The following LMF1 variants were observed in gnomAD, a reference collection of about 807,000 sequenced individuals.
LMF1 encodes the protein transmembrane protein 112.
A neutral mutation model predicts 60.6 loss-of-function variants in LMF1; 68 were observed. The observed-to-expected ratio is 1.12, with a 90% CI of 0.92 to 1.37. The LOEUF (loss-of-function observed/expected upper bound fraction) is 1.37, where lower values mean the gene tolerates loss of function less well. Ranked by LOEUF, LMF1 falls within the 40% of genes most tolerant of loss-of-function variation. The pLI is 0.00. For missense variants in LMF1, 948 were observed against 767.2 expected, an observed-to-expected ratio of 1.24 and a Z score of -2.78; for synonymous variants, 418 against 324.7, an observed-to-expected ratio of 1.29 and a Z score of -3.09.
upstream of LMF1, among the ~76,000 whole-genome samples, chr16:973,647 G>A (rs1490634795): frequency 1.3e-5 from 2 of 152,308 alleles, no homozygotes; most frequent in African/African-American, 2.4e-5. Context: ...GCTAAACACC[G>A]AGTCGTTCAC....
rs543546205 is a variant in LMF1, at chr16:955,092, C to T, written c.194-426G>A. Among the ~76,000 whole-genome samples the T allele has an allele frequency of 5.8e-3, 408 of 70,032 alleles. 41 individuals carry two copies. The highest frequency in any genetic ancestry group is 0.013 in the African/African-American group (140 of 10,866). The allele number at this position is 70,032 out of a possible 152,430, so 45.9% of individuals were successfully genotyped here. ...ACATAAAATGCGTGCCCGCAGCAGA[C>T]GCGGTGTGTGCACACACACACACAC... On this transcript the variant is annotated intron_variant, in intron 1 of 10. Coordinates refer to ENST00000262301, the MANE Select transcript of LMF1 (RefSeq NM_022773.4).
Position 970,804 on chromosome 16 carries a change from G to T in LMF1, c.177C>A (p.Ala59=), listed in dbSNP as rs1197165748. 2 of 1,540,298 alleles carry T rather than the reference G, an allele frequency of 1.3e-6. No homozygotes were observed. Among genetic ancestry groups the T allele is most frequent in the South Asian group, 2.4e-5 (2 of 82,524 alleles). Residue 59 remains alanine (A), a synonymous_variant, in exon 1 of 11, where the codon GCC becomes GCA. Transcript: ENST00000262301. Reference sequence around the variant, plus strand: ...GGCACTCACAGTACACGAAGGCTAGGGCCTTCAGGAGCACGATCCGGGTCA... The same window carrying T: ...GGCACTCACAGTACACGAAGGCTAGTGCCTTCAGGAGCACGATCCGGGTCA... ...FWLTRIVLLK[A]LAFVYFVAFL... is the part of the protein sequence containing the mutation.
At chr16:940,682 C>T (rs530590951) in intron 2 of LMF1, among the ~76,000 whole-genome samples, 16 of 152,302 alleles carry the variant, frequency 1.1e-4, no homozygotes, top group East Asian at 3.9e-4. Flanking sequence ...GAGTGGGAGA[C>T]GCAGTCTCAG....
chr16:853,914 A>T lies in LMF1; in HGVS notation c.*618T>A, dbSNP rs558035127. 2.2e-6 allele frequency: 1 copy of T among 454,088 alleles called. No individual in the cohort carries two copies. The highest frequency in any genetic ancestry group is 4.4e-6 in the Non-Finnish European group (1 of 226,804). The allele number at this position is 454,088 out of a possible 1,614,324, so 28.1% of individuals were successfully genotyped here. A position where few individuals can be genotyped will look rare whatever the true frequency, so the allele number is the denominator to read the frequency against. On this transcript the variant is annotated 3_prime_UTR_variant, in exon 11 of 11. Coordinates refer to ENST00000262301, the MANE Select transcript of LMF1 (RefSeq NM_022773.4). The stretch of plus-strand genomic sequence containing the variant: ...AACCGGGCCAAGAACACATGTGTGC[A>T]CAGGCTGTGTGTGCCTGCATGTGTG...
intron 3 of LMF1, among the ~76,000 whole-genome samples, chr16:928,769 C>T (rs986917332): frequency 6.6e-6 from 1 of 152,064 alleles, no homozygotes; most frequent in African/African-American, 2.4e-5. Context: ...GGGCCCATCC[C>T]TACACCCCCA....
chr16:901,567 G>A (rs4984961), intron 4 of LMF1: 64,122 of 152,204 alleles, frequency 0.42, 15,326 homozygotes, highest in African/African-American at 0.65. Flanking sequence ...CATTGATCAC[G>A]TCCTGAGTGA....
chr16:915,585 T>G (rs1390059047), intron 3 of LMF1, among the ~76,000 whole-genome samples: 1 of 151,926 alleles, frequency 6.6e-6, no homozygotes, highest in African/African-American at 2.4e-5. Flanking sequence ...TGGGCTGGGC[T>G]GGGCAGCCGG....
chr16:882,255 C>CA, intron 5 of LMF1, among the ~76,000 whole-genome samples: 1 of 152,280 alleles, frequency 6.6e-6, no homozygotes, highest in Non-Finnish European at 1.5e-5. Flanking sequence ...AGAAGAGCAT[C>CA]AGGCTCAGCT....
chr16:892,992 G>C lies in LMF1; in HGVS notation c.729+15C>G. 1.9e-6 allele frequency: 3 copies of C among 1,542,858 alleles called. No homozygotes were observed. Among genetic ancestry groups the C allele is most frequent in the Non-Finnish European group, 2.6e-6 (3 of 1,140,884 alleles). On this transcript the variant is annotated intron_variant, in intron 5 of 10. Coordinates refer to ENST00000262301, the MANE Select transcript of LMF1 (RefSeq NM_022773.4). ...AGACCGGGTGCCCTGCCCTCACGCTGCACGGCACGCTCACCTCATAGTGGA... is the reference window on the plus strand; with the variant it reads ...AGACCGGGTGCCCTGCCCTCACGCTCCACGGCACGCTCACCTCATAGTGGA...
chr16:861,550 G>C (rs770298302), intron 10 of LMF1, among the ~76,000 whole-genome samples: 5 of 151,860 alleles, frequency 3.3e-5, no homozygotes, highest in Admixed American at 6.6e-5. Flanking sequence ...AGTAGAGACA[G>C]GGTTTCTCTA....
At chr16:914,411 C>G (rs900857864) in intron 3 of LMF1, among the ~76,000 whole-genome samples, 2 of 152,100 alleles carry the variant, frequency 1.3e-5, no homozygotes, top group Non-Finnish European at 2.9e-5. Flanking sequence ...GATGCTCACT[C>G]GTAGGGTCCA....
intron 1 of LMF1, chr16:977,236 C>A (rs563217161): frequency 3.2e-4 from 125 of 391,156 alleles, no homozygotes; most frequent in African/African-American, 2.5e-3. Context: ...GGAACTCGTG[C>A]CCCAGCTGGC....
chr16:958,592 C>T (rs1471903821), intron 1 of LMF1, among the ~76,000 whole-genome samples: 5 of 152,126 alleles, frequency 3.3e-5, no homozygotes, highest in South Asian at 2.1e-4. Flanking sequence ...TGCTTGAAAA[C>T]GGACAGTGCC....
chr16:927,475 C>T (rs749109271), intron 3 of LMF1, among the ~76,000 whole-genome samples: 1 of 152,254 alleles, frequency 6.6e-6, no homozygotes, highest in Non-Finnish European at 1.5e-5. Flanking sequence ...GGAGCTGGCT[C>T]GGCCTACCGG....
chr16:951,894 T>C (rs2072480724), intron 2 of LMF1, among the ~76,000 whole-genome samples: 1 of 152,180 alleles, frequency 6.6e-6, no homozygotes, highest in Admixed American at 6.5e-5. Flanking sequence ...CATGTGAACG[T>C]GATGTGCGGG....
chr16:894,730 A>G (rs1394510724), intron 4 of LMF1, among the ~76,000 whole-genome samples: 2 of 152,192 alleles, frequency 1.3e-5, no homozygotes, highest in African/African-American at 4.8e-5. Context: ...TGTTGCCCAC[A>G]CGGTGGGAAG....
chr16:862,271 G>C (rs1422191126), intron 10 of LMF1, among the ~76,000 whole-genome samples: 1 of 151,660 alleles, frequency 6.6e-6, no homozygotes, highest in East Asian at 1.9e-4. Flanking sequence ...CACCTGCCGA[G>C]TAGTTGGGAT....
At chr16:857,266 T>A (rs749044066) in intron 10 of LMF1, among the ~76,000 whole-genome samples, 1 of 152,274 alleles carries the variant, frequency 6.6e-6, no homozygotes, top group Non-Finnish European at 1.5e-5. Context: ...CTCTCTGGCT[T>A]AAACGTCCAT....
Position 896,406 on chromosome 16 carries a change from G to A in LMF1, c.664-3334C>T, listed in dbSNP as rs1019917405. ...GCCCTGTGCCCCCAACGACAGGGAG[G>A]GCGCCGAACACCCGGGAGTGTTACT... On this transcript the variant is annotated intron_variant, in intron 4 of 10. Coordinates refer to ENST00000262301, the MANE Select transcript of LMF1 (RefSeq NM_022773.4). Among the ~76,000 whole-genome samples the A allele has an allele frequency of 2.0e-5, 3 of 152,344 alleles. No individual in the cohort carries two copies. The South Asian group carries it at 6.2e-4, about 32-fold the overall frequency.
Sources: gnomAD v4.1 joint callset for allele counts (sites outside exome capture counted in the v4.1 genomes callset) on GRCh38, gnomAD v4.1.1 for gene constraint, MANE v1.5 for transcripts, NCBI Gene and HGNC (gene_info 2026-07-23, HGNC 2026-07-21) for gene names.